Variants in RFFL observed in about 807,000 individuals in gnomAD.
RFFL encodes ring finger and FYVE like domain containing E3 ubiquitin protein ligase, also known as E3 ubiquitin-protein ligase rififylin.
RFFL carries 16 observed loss-of-function variants against 40.4 expected under a neutral mutation model. The ratio of observed to expected loss-of-function variants is 0.40; its 90% CI spans 0.27 to 0.60. The LOEUF (loss-of-function observed/expected upper bound fraction) is 0.60, where lower values mean the gene tolerates loss of function less well. Among genes scored for constraint, RFFL ranks in the 20% least tolerant of loss-of-function variants. RFFL has a pLI of 0.47. For missense variants in RFFL, 367 were observed against 451.7 expected (o/e 0.81, Z 1.70); for synonymous variants, 154 against 167.9 (o/e 0.92, Z 0.64).
rs548601387 is a variant in RFFL at position 35,014,554 on chromosome 17, T to C, written c.910+186A>G. The stretch of plus-strand genomic sequence containing the variant: ...CCTACGTATGCTCCACTCTGCTTCC[T>C]GCACAGCGAGCAGAGAGAATTTCTA... On this transcript the variant is annotated intron_variant, in intron 6 of 6. Coordinates refer to ENST00000394597, the MANE Select transcript of RFFL (RefSeq NM_001017368.2). 3.9e-4 allele frequency among the ~76,000 whole-genome samples: 60 copies of C among 152,312 alleles called. No homozygotes were observed. The South Asian group carries it at 0.011, about 29-fold the overall frequency.
At chr17:35,067,143 A>C (rs2091324602), upstream of RFFL, among the ~76,000 whole-genome samples, 1 of 148,616 alleles carries the variant, frequency 6.7e-6, no homozygotes, top group African/African-American at 2.5e-5. Flanking sequence ...TTGAGACGGA[A>C]TCTCACTCTC....
At chr17:35,064,742 C>T (rs2142372156), upstream of RFFL, among the ~76,000 whole-genome samples, 1 of 152,304 alleles carries the variant, frequency 6.6e-6, no homozygotes, top group Non-Finnish European at 1.5e-5. Context: ...AGGTAGGTCT[C>T]ACATGGCATG....
chr17:35,072,377 TATG>T (rs1166040790), intron 1 of RFFL, among the ~76,000 whole-genome samples: 1 of 152,162 alleles, frequency 6.6e-6, no homozygotes, highest in Non-Finnish European at 1.5e-5. Flanking sequence ...CACATACTGT[TATG>T]ATTCCATTTC....
rs2090911234 is a variant in RFFL at position 35,008,426 on chromosome 17, T to C, written c.*3542A>G. The stretch of plus-strand genomic sequence containing the variant: ...CATCCCAGGATTAGCTTGTGGTTTA[T>C]CAGTTGTCAATTTTTTTTTTTTTTT... On this transcript the variant is annotated 3_prime_UTR_variant, in exon 7 of 7. Transcript: ENST00000394597. 1 of 151,938 alleles carries C rather than the reference T, an allele frequency of 6.6e-6. No individual in the cohort carries two copies. The highest frequency in any genetic ancestry group is 2.4e-5 in the African/African-American group (1 of 41,364). The allele number at this position is 151,938 out of a possible 1,614,324, so 9.4% of individuals were successfully genotyped here.
intron 1 of RFFL, among the ~76,000 whole-genome samples, chr17:35,058,140 C>T (rs531040070): frequency 6.6e-6 from 1 of 152,032 alleles, no homozygotes; most frequent in East Asian, 1.9e-4. Context: ...AGATAGGATT[C>T]AATCAAGTCC....
intron 1 of RFFL, among the ~76,000 whole-genome samples, chr17:35,055,061 G>T (rs2091252499): frequency 6.6e-6 from 1 of 151,956 alleles, no homozygotes; most frequent in Non-Finnish European, 1.5e-5. Flanking sequence ...GGGACTACGG[G>T]TGCCCACCAG....
intron 2 of RFFL, among the ~76,000 whole-genome samples, chr17:35,024,855 C>A (rs1181328644): frequency 6.6e-6 from 1 of 152,120 alleles, no homozygotes; most frequent in Non-Finnish European, 1.5e-5. Flanking sequence ...GATGAAAACA[C>A]CCTTAATATT....
intron 1 of RFFL, among the ~76,000 whole-genome samples, chr17:35,033,548 A>C (rs73284980): frequency 2.6e-5 from 4 of 151,792 alleles, no homozygotes; most frequent in East Asian, 1.9e-4. Flanking sequence ...TAAATAAATA[A>C]ATACATAAGA....
intron 2 of RFFL, among the ~76,000 whole-genome samples, chr17:35,024,149 G>A (rs916901211): frequency 3.3e-5 from 5 of 152,286 alleles, no homozygotes; most frequent in Admixed American, 6.5e-5. Flanking sequence ...GGCGCCTCAG[G>A]CCGACACCAC....
intron 6 of RFFL, 99 bp downstream of exon 6, chr17:35,014,641 C>T (rs1317906240): frequency 8.4e-7 from 1 of 1,186,098 alleles, no homozygotes; most frequent in South Asian, 1.2e-5. Flanking sequence ...TCTGGGGGCT[C>T]AAATGCTCAG....
At chr17:35,080,369 T>C (rs566742197) in intron 1 of RFFL, among the ~76,000 whole-genome samples, 2 of 152,168 alleles carry the variant, frequency 1.3e-5, no homozygotes, top group South Asian at 2.1e-4. Flanking sequence ...ATGGGAGGAT[T>C]AGCAGAAAAT....
At chr17:35,062,096 A>T (rs757785774) in intron 1 of RFFL, among the ~76,000 whole-genome samples, 7 of 151,958 alleles carry the variant, frequency 4.6e-5, no homozygotes, top group Non-Finnish European at 7.4e-5. Flanking sequence ...GCACATTTAA[A>T]GATGTGAGCA....
intron 1 of RFFL, among the ~76,000 whole-genome samples, chr17:35,062,081 G>A (rs1284195359): frequency 6.6e-6 from 1 of 151,490 alleles, no homozygotes; most frequent in African/African-American, 2.4e-5. Context: ...AATCAACAGG[G>A]TTTAGCACAT....
intron 6 of RFFL, among the ~76,000 whole-genome samples, chr17:35,013,483 C>T (rs1217249858): frequency 1.3e-5 from 2 of 152,206 alleles, no homozygotes; most frequent in Non-Finnish European, 2.9e-5. Context: ...GAACTGATCT[C>T]ACAGAAGTCA....
intron 1 of RFFL, among the ~76,000 whole-genome samples, chr17:35,083,780 CAAA>C (rs1386219932): frequency 2.6e-5 from 2 of 76,886 alleles, no homozygotes; most frequent in African/African-American, 5.0e-5. Context: ...GACTCTGTCT[CAAA>C]AAAAAAAAAA....
chr17:35,028,099 C>G (rs1372908509), intron 1 of RFFL, among the ~76,000 whole-genome samples: 1 of 151,546 alleles, frequency 6.6e-6, no homozygotes, highest in Admixed American at 6.6e-5. Context: ...CTTTGGGAAG[C>G]CAAGGTGGGA....
chr17:35,037,001 T>C (rs1306041224), intron 1 of RFFL, among the ~76,000 whole-genome samples: 2 of 152,204 alleles, frequency 1.3e-5, no homozygotes, highest in Non-Finnish European at 2.9e-5. Flanking sequence ...TCATCCAATC[T>C]ATTCTGATTT....
intron 1 of RFFL, among the ~76,000 whole-genome samples, chr17:35,062,542 A>C (rs1033281978): frequency 6.6e-6 from 1 of 152,218 alleles, no homozygotes; most frequent in Admixed American, 6.5e-5. Flanking sequence ...CCTGATTCTC[A>C]ATACATACTA....
At chr17:35,081,715 A>G (rs2091403854) in intron 1 of RFFL, among the ~76,000 whole-genome samples, 1 of 152,184 alleles carries the variant, frequency 6.6e-6, no homozygotes, top group African/African-American at 2.4e-5. Flanking sequence ...TGACAGTAAA[A>G]TCACCCCTCA....
Sources: gnomAD v4.1 joint callset for allele counts (sites outside exome capture counted in the v4.1 genomes callset) on GRCh38, gnomAD v4.1.1 for gene constraint, MANE v1.5 for transcripts, NCBI Gene and HGNC (gene_info 2026-07-23, HGNC 2026-07-21) for gene names.